Variants in CCNY observed in about 807,000 individuals in gnomAD.
The protein encoded by CCNY is cyclin Y.
In CCNY, 19 loss-of-function variants were observed where a neutral mutation model predicts 42.8. The ratio of observed to expected loss-of-function variants is 0.44; its 90% CI spans 0.31 to 0.65. The LOEUF is 0.65. CCNY is among the 30% of genes least tolerant of loss of function. The probability of loss-of-function intolerance (pLI) is 0.07; values close to 1 mark genes in which losing one functional copy is unlikely to be tolerated. For missense variants in CCNY, 370 were observed against 437.3 expected (o/e 0.85, Z 1.37); for synonymous variants, 165 against 162.7 (o/e 1.01, Z -0.11).
intron 2 of CCNY, among the ~76,000 whole-genome samples, chr10:35,497,487 C>G (rs1290051580): frequency 6.6e-6 from 1 of 152,100 alleles, no homozygotes; most frequent in African/African-American, 2.4e-5. Flanking sequence ...CCTGTAATCC[C>G]AGCGCTTTGG....
chr10:35,564,210 G>A (rs934939780), intron 8 of CCNY, among the ~76,000 whole-genome samples: 1 of 151,642 alleles, frequency 6.6e-6, no homozygotes, highest in Non-Finnish European at 1.5e-5. Flanking sequence ...ATTTAGTACA[G>A]TAAATACATT....
intron 1 of CCNY, among the ~76,000 whole-genome samples, chr10:35,364,389 T>A (rs1469675228): frequency 6.6e-6 from 1 of 152,210 alleles, no homozygotes. Flanking sequence ...GTTAACTGAA[T>A]TTTACATGCT....
intron 1 of CCNY, among the ~76,000 whole-genome samples, chr10:35,465,938 A>AGAGAGGGAGAGAGTGTGT: frequency 1.2e-5 from 1 of 80,960 alleles, no homozygotes; most frequent in Non-Finnish European, 2.6e-5. Context: ...AGAGAGAGAG[A>AGAGAGGGAGAGAGTGTGT]GTGTGTGTGT....
chr10:35,477,018 A>G (rs1180693331), intron 1 of CCNY, among the ~76,000 whole-genome samples: 1 of 152,206 alleles, frequency 6.6e-6, no homozygotes, highest in East Asian at 1.9e-4. Flanking sequence ...CCTCTATGCA[A>G]ATAAACTAGA....
At chr10:35,548,585 C>T (rs1003832889) in intron 7 of CCNY, among the ~76,000 whole-genome samples, 46 of 152,032 alleles carry the variant, frequency 3.0e-4, no homozygotes, top group African/African-American at 8.5e-4. Flanking sequence ...CTTGAGCCAC[C>T]GCACCCAGCC....
chr10:35,332,456 T>C (rs527333908), upstream of CCNY: 34 of 152,340 alleles, frequency 2.2e-4, no homozygotes, highest in African/African-American at 7.5e-4. Flanking sequence ...TTCTTGATTG[T>C]TTTTATCAGT....
intron 1 of CCNY, among the ~76,000 whole-genome samples, chr10:35,367,724 G>C (rs1428600927): frequency 2.0e-5 from 3 of 152,226 alleles, no homozygotes; most frequent in Admixed American, 2.0e-4. Context: ...GTGCGCCCAT[G>C]TCAGTGCCTC....
At chr10:35,442,149 A>C (rs1830327893) in intron 1 of CCNY, among the ~76,000 whole-genome samples, 1 of 152,194 alleles carries the variant, frequency 6.6e-6, no homozygotes, top group Non-Finnish European at 1.5e-5. Flanking sequence ...TGCATGACCC[A>C]CAGAGTGTTG....
intron 3 of CCNY, among the ~76,000 whole-genome samples, chr10:35,313,975 C>T (rs1325663263): frequency 4.3e-5 from 4 of 92,020 alleles, no homozygotes; most frequent in East Asian, 8.4e-4. Context: ...GAGTTCATCT[C>T]GGAAAAAAAA....
intron 4 of CCNY, 124 bp from the exon 5 acceptor site, chr10:35,525,840 C>A: frequency 1.3e-6 from 1 of 747,270 alleles, no homozygotes; most frequent in Non-Finnish European, 2.2e-6. Flanking sequence ...TGAGATGGGA[C>A]TGTTCAGAAA....
intron 1 of CCNY, among the ~76,000 whole-genome samples, chr10:35,383,739 G>A (rs1053607134): frequency 6.6e-6 from 1 of 152,182 alleles, no homozygotes; most frequent in African/African-American, 2.4e-5. Context: ...TTTTGATAAA[G>A]GGATCGGGGA....
intron 2 of CCNY, among the ~76,000 whole-genome samples, chr10:35,250,056 T>C (rs1004549762): frequency 6.6e-6 from 1 of 151,990 alleles, no homozygotes; most frequent in Non-Finnish European, 1.5e-5. Context: ...TAGCTGGGCA[T>C]GGTGGCGGGT....
At chr10:35,513,386 T>C (rs1472359830) in intron 3 of CCNY, among the ~76,000 whole-genome samples, 1 of 152,200 alleles carries the variant, frequency 6.6e-6, no homozygotes, top group African/African-American at 2.4e-5. Flanking sequence ...CTAAATTGTT[T>C]ATAGGGTGAT....
intron 1 of CCNY, among the ~76,000 whole-genome samples, chr10:35,380,303 G>A (rs1165357323): frequency 6.6e-6 from 1 of 152,180 alleles, no homozygotes; most frequent in Non-Finnish European, 1.5e-5. Context: ...ATTACTTGAG[G>A]AGGTGACTGG....
intron 1 of CCNY, among the ~76,000 whole-genome samples, chr10:35,454,611 T>G (rs1838990177): frequency 6.6e-6 from 1 of 152,266 alleles, no homozygotes; most frequent in South Asian, 2.1e-4. Flanking sequence ...CTTCGGGTTT[T>G]GTGAACCTCA....
intron 3 of CCNY, among the ~76,000 whole-genome samples, chr10:35,514,075 CAAAAAAAAAAAA>C (rs11451104): frequency 2.6e-5 from 2 of 76,182 alleles, no homozygotes; most frequent in South Asian, 5.8e-4. Flanking sequence ...AGGACCAGTT[CAAAAAAAAAAAA>C]AAAAAAAAAA....
At chr10:35,473,545 G>A (rs1359306906) in intron 1 of CCNY, among the ~76,000 whole-genome samples, 2 of 152,098 alleles carry the variant, frequency 1.3e-5, no homozygotes, top group Non-Finnish European at 2.9e-5. Flanking sequence ...GCTTTGTGAG[G>A]GGTGAGGGAT....
At chr10:35,536,996 C>T (rs975648255) in intron 7 of CCNY, among the ~76,000 whole-genome samples, 3 of 152,182 alleles carry the variant, frequency 2.0e-5, no homozygotes, top group Middle Eastern at 3.2e-3. Flanking sequence ...GGCAACCCCT[C>T]CCATCACAGG....
At chr10:35,521,776 A>G (rs758142199) in intron 4 of CCNY, among the ~76,000 whole-genome samples, 3 of 152,196 alleles carry the variant, frequency 2.0e-5, no homozygotes, top group East Asian at 3.9e-4. Flanking sequence ...GTTCACTGCC[A>G]GCATGCACGG....
Sources: allele counts gnomAD v4.1 joint callset (sites outside exome capture counted in the v4.1 genomes callset), GRCh38; gene constraint gnomAD v4.1.1; transcripts MANE v1.5; gene names NCBI Gene and HGNC (gene_info 2026-07-23, HGNC 2026-07-21).